Variants in CTNND2 observed in about 807,000 individuals in gnomAD.
CTNND2 encodes the protein catenin delta-2.
CTNND2 carries 22 observed loss-of-function variants against 144.4 expected under a neutral mutation model. The observed-to-expected ratio is 0.15, with a 90% CI of 0.11 to 0.22. The LOEUF (loss-of-function observed/expected upper bound fraction) is 0.22, where lower values mean the gene tolerates loss of function less well. CTNND2 is among the 10% of genes least tolerant of loss of function. The probability of loss-of-function intolerance (pLI) is 1.00; values close to 1 mark genes in which losing one functional copy is unlikely to be tolerated. For synonymous variants in CTNND2, 751 were observed against 695.6 expected, an observed-to-expected ratio of 1.08 and a Z score of -1.25; for missense variants, 1,353 against 1,618.8, an observed-to-expected ratio of 0.84 and a Z score of 2.82.
rs192703808 is a variant in CTNND2, at chr5:11,115,726, G to T, written c.2277+1724C>A. ...TCAGTGAATGGATGTGAACCTAACT[G>T]AGCAGAAGTTAAAAGATGACAAGTG... On this transcript the variant is annotated intron_variant, in intron 13 of 21. Coordinates refer to ENST00000304623, the MANE Select transcript of CTNND2 (RefSeq NM_001332.4). Among the ~76,000 whole-genome samples the T allele has an allele frequency of 5.2e-4, 79 of 152,310 alleles. 2 individuals are homozygous for T. In the East Asian group the frequency reaches 0.014, roughly 28 times the overall value.
At chr5:10,985,182 A>T (rs971785632) in intron 20 of CTNND2, among the ~76,000 whole-genome samples, 2 of 152,230 alleles carry the variant, frequency 1.3e-5, no homozygotes, top group Admixed American at 6.5e-5. Context: ...GGTATGTGGG[A>T]AGTTCAGATG....
intron 3 of CTNND2, among the ~76,000 whole-genome samples, chr5:11,531,886 T>C (rs1451556395): frequency 6.6e-6 from 1 of 152,234 alleles, no homozygotes; most frequent in Non-Finnish European, 1.5e-5. Context: ...GCACTTTTTA[T>C]ATTTTATTTG....
intron 9 of CTNND2, among the ~76,000 whole-genome samples, chr5:11,332,793 C>T (rs1167281668): frequency 6.6e-6 from 1 of 152,166 alleles, no homozygotes; most frequent in African/African-American, 2.4e-5. Context: ...CCATAATTCC[C>T]ACGTGTCATG....
At chr5:11,585,662 A>G (rs1018093849) in intron 2 of CTNND2, among the ~76,000 whole-genome samples, 2 of 152,152 alleles carry the variant, frequency 1.3e-5, no homozygotes, top group Non-Finnish European at 2.9e-5. Context: ...CAGTGAACCA[A>G]ATAAACAGAT....
intron 2 of CTNND2, among the ~76,000 whole-genome samples, chr5:11,697,295 C>A (rs1785187773): frequency 6.6e-6 from 1 of 152,114 alleles, no homozygotes. Flanking sequence ...TGGACCTTAA[C>A]AGTATATAAA....
chr5:11,435,534 CAA>C (rs1001797662), intron 3 of CTNND2, among the ~76,000 whole-genome samples: 2 of 152,108 alleles, frequency 1.3e-5, no homozygotes, highest in African/African-American at 4.8e-5. Flanking sequence ...TGTCATAGGG[CAA>C]AAGCAGCCAC....
intron 3 of CTNND2, among the ~76,000 whole-genome samples, chr5:11,514,444 T>C (rs1368584494): frequency 6.6e-6 from 1 of 152,228 alleles, no homozygotes; most frequent in East Asian, 1.9e-4. Context: ...TTTTGAGTTA[T>C]TAATATGTTT....
chr5:11,795,669 G>A (rs1013286908), intron 1 of CTNND2, among the ~76,000 whole-genome samples: 1 of 152,216 alleles, frequency 6.6e-6, no homozygotes, highest in African/African-American at 2.4e-5. Context: ...GCCCATGATA[G>A]CTGAGGAAGA....
intron 12 of CTNND2, among the ~76,000 whole-genome samples, chr5:11,148,910 C>G (rs533351841): frequency 6.6e-6 from 1 of 152,322 alleles, no homozygotes; most frequent in Non-Finnish European, 1.5e-5. Flanking sequence ...TCATCTGACT[C>G]TTAATCTATT....
At chr5:11,709,173 C>T (rs1785886865) in intron 2 of CTNND2, among the ~76,000 whole-genome samples, 1 of 152,168 alleles carries the variant, frequency 6.6e-6, no homozygotes, top group Non-Finnish European at 1.5e-5. Context: ...ACACACCCGG[C>T]TACTGAAGAG....
At chr5:11,795,145 G>A (rs903190869) in intron 1 of CTNND2, among the ~76,000 whole-genome samples, 1 of 152,124 alleles carries the variant, frequency 6.6e-6, no homozygotes, top group Non-Finnish European at 1.5e-5. Context: ...GTTAGACAGT[G>A]TACTACGTGC....
chr5:11,260,369 G>C (rs556928072), intron 9 of CTNND2, among the ~76,000 whole-genome samples: 63 of 152,080 alleles, frequency 4.1e-4, no homozygotes, highest in African/African-American at 1.4e-3. Context: ...TTCTTCCGAA[G>C]AGCTTTATTT....
rs1338295236 is a variant in CTNND2, at chr5:11,244,700, G to A, written c.1629-7877C>T. Reference sequence around the variant, plus strand: ...GCTCAACGGTTATACCATTTTTAAGGAAGAAATGGCCTTCTCCAAGCATAT... The same window carrying A: ...GCTCAACGGTTATACCATTTTTAAGAAAGAAATGGCCTTCTCCAAGCATAT... On this transcript the variant is annotated intron_variant, in intron 9 of 21. Coordinates refer to ENST00000304623, the MANE Select transcript of CTNND2 (RefSeq NM_001332.4). 2.0e-5 allele frequency among the ~76,000 whole-genome samples: 3 copies of A among 152,150 alleles called. No individual in the cohort carries two copies. The East Asian group carries it at 5.8e-4, about 29-fold the overall frequency.
At chr5:11,354,139 T>C (rs554848831) in intron 8 of CTNND2, among the ~76,000 whole-genome samples, 10 of 152,300 alleles carry the variant, frequency 6.6e-5, no homozygotes, top group African/African-American at 2.4e-4. Context: ...ATTATTCATG[T>C]GGTTTCACAC....
chr5:11,262,477 T>G (rs987140485), intron 9 of CTNND2, among the ~76,000 whole-genome samples: 1 of 151,978 alleles, frequency 6.6e-6, no homozygotes, highest in Admixed American at 6.6e-5. Flanking sequence ...AAACTAAATG[T>G]GTTGGCCGGG....
At chr5:11,511,249 G>A (rs969191359) in intron 3 of CTNND2, among the ~76,000 whole-genome samples, 2 of 152,178 alleles carry the variant, frequency 1.3e-5, no homozygotes, top group Admixed American at 6.5e-5. Context: ...CATTTAATGA[G>A]TCACAGACAT....
chr5:11,288,891 T>C (rs910134293), intron 9 of CTNND2, among the ~76,000 whole-genome samples: 13 of 150,136 alleles, frequency 8.7e-5, no homozygotes, highest in African/African-American at 3.2e-4. Flanking sequence ...TACTGCAAGA[T>C]ATAAGAGGAG....
chr5:11,307,304 A>AGTGTGTGTGTGT (rs3033112), intron 9 of CTNND2, among the ~76,000 whole-genome samples: 1 of 146,428 alleles, frequency 6.8e-6, no homozygotes, highest in Non-Finnish European at 1.5e-5. Flanking sequence ...AAGGTAGAGT[A>AGTGTGTGTGTGT]GTGTGTGTGT....
At chr5:11,507,225 A>G (rs1771139918) in intron 3 of CTNND2, among the ~76,000 whole-genome samples, 1 of 152,192 alleles carries the variant, frequency 6.6e-6, no homozygotes, top group South Asian at 2.1e-4. Context: ...AATGGCTTTA[A>G]ATGACTGAGA....
Sources: allele counts gnomAD v4.1 joint callset (sites outside exome capture counted in the v4.1 genomes callset), GRCh38; gene constraint gnomAD v4.1.1; transcripts MANE v1.5; gene names NCBI Gene and HGNC (gene_info 2026-07-23, HGNC 2026-07-21).